Variants in APP observed in about 807,000 individuals in gnomAD.
APP encodes amyloid beta precursor protein.
Under a neutral mutation model 101.4 loss-of-function variants are expected in APP, and 31 were observed. The observed-to-expected ratio is 0.31, with a 90% confidence interval of 0.23 to 0.41. The LOEUF (loss-of-function observed/expected upper bound fraction) is 0.41, where lower values mean the gene tolerates loss of function less well. APP is among the 10% of genes least tolerant of loss of function. APP has a pLI of 1.00. For missense variants in APP, 839 were observed against 1,003.7 expected (o/e 0.84, Z 2.22); for synonymous variants, 366 against 364.4 (o/e 1.00, Z -0.05).
At chr21:25,981,796 G>A (rs1457684830) in intron 9 of APP, among the ~76,000 whole-genome samples, 1 of 139,754 alleles carries the variant, frequency 7.2e-6, no homozygotes, top group Non-Finnish European at 1.5e-5. Flanking sequence ...TCTAAATGTT[G>A]TCTCTGGCTC....
chr21:25,908,466 C>T (rs1282692443), intron 14 of APP, among the ~76,000 whole-genome samples: 1 of 152,020 alleles, frequency 6.6e-6, no homozygotes, highest in Non-Finnish European at 1.5e-5. Flanking sequence ...TAGATATTTT[C>T]AGTAGTTGGG....
At chr21:25,933,401 C>T (rs940025084) in intron 13 of APP, among the ~76,000 whole-genome samples, 2 of 152,198 alleles carry the variant, frequency 1.3e-5, no homozygotes, top group Non-Finnish European at 2.9e-5. Context: ...TCGTGCCCAG[C>T]CTGTCTTCTT....
chr21:26,019,212 G>A (rs2044228582), intron 6 of APP, among the ~76,000 whole-genome samples: 1 of 152,234 alleles, frequency 6.6e-6, no homozygotes, highest in Non-Finnish European at 1.5e-5. Context: ...ATCACCTGCA[G>A]TTAATGCCCA....
At chr21:25,991,066 G>C (rs976749273) in intron 8 of APP, among the ~76,000 whole-genome samples, 1 of 152,190 alleles carries the variant, frequency 6.6e-6, no homozygotes, top group Non-Finnish European at 1.5e-5. Context: ...AAGTAATCAG[G>C]AATGGAAATA....
At chr21:25,924,411 C>CAAAAAAAAAAAAAAAAAA (rs551284093) in intron 13 of APP, among the ~76,000 whole-genome samples, 3 of 56,842 alleles carry the variant, frequency 5.3e-5, no homozygotes, top group Non-Finnish European at 8.8e-5. Context: ...TTTGCAAATA[C>CAAAAAAAAAAAAAAAAAA]AAAAAAAAAA....
chr21:25,900,099 C>T (rs1311327499), intron 15 of APP, among the ~76,000 whole-genome samples: 5 of 152,106 alleles, frequency 3.3e-5, no homozygotes, highest in Non-Finnish European at 5.9e-5. Context: ...CTTTCTGACA[C>T]TTATTTTTAT....
Position 26,051,169 on chromosome 21 carries a change from A to G in APP, c.493T>C (p.Leu165=). The G allele has an allele frequency of 6.2e-7, 1 of 1,614,058 alleles. No homozygotes were observed. Residue 165 remains leucine, a synonymous_variant, in exon 5 of 18, where the codon TTG becomes CTG. Coordinates refer to ENST00000346798, the MANE Select transcript of APP (RefSeq NM_000484.4). The part of the protein sequence containing the change: ...KETCSEKSTN[L]HDYGMLLPCG... The stretch of plus-strand genomic sequence containing the variant: ...GGCAGCAACATGCCGTAGTCATGCA[A>G]GTTGGTACTCTTCTCACTGCATGTC...
chr21:25,989,124 G>C (rs983026015), intron 8 of APP, among the ~76,000 whole-genome samples: 1 of 152,128 alleles, frequency 6.6e-6, no homozygotes, highest in Non-Finnish European at 1.5e-5. Context: ...TTCCATACCT[G>C]TGTTTCCTCT....
chr21:25,895,418 C>T (rs956882639), intron 16 of APP, among the ~76,000 whole-genome samples: 1 of 152,144 alleles, frequency 6.6e-6, no homozygotes, highest in Admixed American at 6.5e-5. Flanking sequence ...CCTGCCTTGG[C>T]CTCCCAAAGT....
intron 11 of APP, among the ~76,000 whole-genome samples, chr21:25,956,264 A>G (rs1410610797): frequency 6.6e-6 from 1 of 152,238 alleles, no homozygotes; most frequent in Admixed American, 6.5e-5. Flanking sequence ...GAACTGTAAG[A>G]GACATTATAT....
At position 26,170,710 on chromosome 21, in the gene APP, C is replaced by G; in HGVS notation, c.-90G>C. ...GCCCGCGCCGCCACCGCCGCCGTCT[C>G]CCGGGGCCCCCGCGCACGCTCCTCC... is the stretch of plus-strand genomic sequence containing the variant. On this transcript the variant is annotated 5_prime_UTR_variant, in exon 1 of 18. Transcript: ENST00000346798. 3 of 1,329,626 alleles carry G rather than the reference C, an allele frequency of 2.3e-6. No homozygotes were observed. The highest frequency in any genetic ancestry group is 3.0e-6 in the Non-Finnish European group (3 of 1,016,064). The allele number at this position is 1,329,626 out of a possible 1,614,324, so 82.4% of individuals were successfully genotyped here.
chr21:26,028,213 T>C (rs1264157222), intron 5 of APP, among the ~76,000 whole-genome samples: 1 of 151,094 alleles, frequency 6.6e-6, no homozygotes, highest in Non-Finnish European at 1.5e-5. Flanking sequence ...AATAAAGTCA[T>C]GACACAGCTG....
intron 3 of APP, chr21:26,053,598 T>C (rs960696924): frequency 1.1e-5 from 4 of 376,028 alleles, no homozygotes; most frequent in Admixed American, 4.0e-5. Context: ...CCTTAATTAA[T>C]CTGAATTTCT....
chr21:25,991,347 T>G lies in APP; in HGVS notation c.1090+6013A>C, dbSNP rs915099659. Among the ~76,000 whole-genome samples, 3 of 152,316 alleles carry G rather than the reference T, an allele frequency of 2.0e-5. 1 individual carries two copies. The South Asian group carries it at 6.2e-4, about 32-fold the overall frequency. ...TAAAAATAAAAATAAAAAAACCTGC[T>G]GTATTAAACCAAGGATCAGCTTGCT... On this transcript the variant is annotated intron_variant, in intron 8 of 17. Coordinates refer to ENST00000346798, the MANE Select transcript of APP (RefSeq NM_000484.4).
intron 3 of APP, among the ~76,000 whole-genome samples, chr21:26,076,838 C>T (rs1188073977): frequency 3.3e-5 from 5 of 152,082 alleles, no homozygotes; most frequent in South Asian, 2.1e-4. Flanking sequence ...CCGAGGTGGG[C>T]GGATCACGAG....
At chr21:25,914,688 G>A (rs1442555982) in intron 13 of APP, among the ~76,000 whole-genome samples, 1 of 151,870 alleles carries the variant, frequency 6.6e-6, no homozygotes, top group Non-Finnish European at 1.5e-5. Context: ...CGAGTAGCTG[G>A]GACTACAGGC....
At chr21:25,980,471 A>G (rs1421378960) in intron 9 of APP, among the ~76,000 whole-genome samples, 1 of 152,180 alleles carries the variant, frequency 6.6e-6, no homozygotes, top group Non-Finnish European at 1.5e-5. Context: ...TTTTCTTGGC[A>G]TCAGGTGAAA....
At chr21:25,928,342 A>AAAACAAACAAACAAACAAACAAACAAAC (rs61188136) in intron 13 of APP, among the ~76,000 whole-genome samples, 1 of 148,996 alleles carries the variant, frequency 6.7e-6, no homozygotes, top group African/African-American at 2.5e-5. Flanking sequence ...ACTCCATCTC[A>AAAACAAACAAACAAACAAACAAACAAAC]AAACAAACAA....
chr21:26,127,727 T>G (rs1320214808), intron 1 of APP, among the ~76,000 whole-genome samples: 1 of 152,240 alleles, frequency 6.6e-6, no homozygotes, highest in African/African-American at 2.4e-5. Context: ...CTTTACCTCT[T>G]GATTTCCTTT....
Sources: allele counts gnomAD v4.1 joint callset (sites outside exome capture counted in the v4.1 genomes callset), GRCh38; gene constraint gnomAD v4.1.1; transcripts MANE v1.5; gene names NCBI Gene and HGNC (gene_info 2026-07-23, HGNC 2026-07-21).